The following PTH2R variants were observed in gnomAD, a reference collection of about 807,000 sequenced individuals.
The protein encoded by PTH2R is PTH2 receptor.
In PTH2R, 59 loss-of-function variants were observed where a neutral mutation model predicts 60.3. That is an observed-to-expected ratio of 0.98 (90% confidence interval 0.79 to 1.22). The LOEUF (loss-of-function observed/expected upper bound fraction) is 1.22, where lower values mean the gene tolerates loss of function less well. Ranked by LOEUF, PTH2R falls within the 50% of genes most tolerant of loss-of-function variation. The probability of loss-of-function intolerance (pLI) is 0.00; values close to 1 mark genes in which losing one functional copy is unlikely to be tolerated. For synonymous variants in PTH2R, 256 were observed against 243.8 expected (o/e 1.05, Z -0.47); for missense variants, 749 against 682.6 (o/e 1.10, Z -1.08).
chr2:208,391,682 C>T (rs957939765), intron 1 of PTH2R, among the ~76,000 whole-genome samples: 1 of 152,118 alleles, frequency 6.6e-6, no homozygotes, highest in Non-Finnish European at 1.5e-5. Context: ...TCCTGTAATG[C>T]CCCCAAATAC....
chr2:208,447,075 T>G (rs1702300865), intron 7 of PTH2R, among the ~76,000 whole-genome samples: 1 of 152,204 alleles, frequency 6.6e-6, no homozygotes, highest in African/African-American at 2.4e-5. Flanking sequence ...ATTGTAGTAA[T>G]GTGTGGAGTT....
chr2:208,493,191 C>G lies in PTH2R; in HGVS notation c.1258-73C>G, dbSNP rs1332558668. The G allele has an allele frequency of 2.9e-6, 4 of 1,370,942 alleles. No homozygotes were observed. In the Admixed American group the frequency reaches 1.1e-4, roughly 37 times the overall value. 84.9% of individuals were successfully genotyped at this position (1,370,942 alleles called of 1,614,324 possible). A position where few individuals can be genotyped will look rare whatever the true frequency, so the allele number is the denominator to read the frequency against. ...ATTATTGCTGTCATTGAAATCAAGGCAAACATCTTTGTAACAAGGCTGCAG... is the reference window on the plus strand; with the variant it reads ...ATTATTGCTGTCATTGAAATCAAGGGAAACATCTTTGTAACAAGGCTGCAG... On this transcript the variant is annotated intron_variant, in intron 12 of 12. Coordinates refer to ENST00000272847, the MANE Select transcript of PTH2R (RefSeq NM_005048.4).
intron 1 of PTH2R, among the ~76,000 whole-genome samples, chr2:208,363,155 G>GTT (rs552845278): frequency 6.6e-6 from 1 of 152,226 alleles, no homozygotes; most frequent in East Asian, 1.9e-4. Context: ...CTGATAGGTA[G>GTT]TTTTTTGACC....
At chr2:208,444,490 AG>A (rs1191806726) in intron 6 of PTH2R, among the ~76,000 whole-genome samples, 1 of 152,140 alleles carries the variant, frequency 6.6e-6, no homozygotes, top group East Asian at 1.9e-4. Context: ...AATTGAGAAA[AG>A]GTGATTTTTT....
upstream of PTH2R, among the ~76,000 whole-genome samples, chr2:208,402,639 C>T (rs1018709922): frequency 1.2e-4 from 19 of 152,170 alleles, no homozygotes; most frequent in Admixed American, 1.2e-3. Flanking sequence ...GGTGAAATTT[C>T]TCTTTCTTGT....
chr2:208,428,807 G>A (rs1382599465), intron 2 of PTH2R, among the ~76,000 whole-genome samples: 2 of 152,196 alleles, frequency 1.3e-5, no homozygotes, highest in East Asian at 1.9e-4. Flanking sequence ...TGGGACAGCC[G>A]GGCACGGTGG....
At position 208,377,538 on chromosome 2, in the gene PTH2R, GC is replaced by G. The variant is rs1247924199; in HGVS notation, c.-259+17302del. Among the ~76,000 whole-genome samples the G allele has an allele frequency of 2.7e-5, 4 of 147,420 alleles. No individual in the cohort carries two copies. In the East Asian group the frequency reaches 8.0e-4, roughly 30 times the overall value. ...CCTCCCAGACGGGGCGGCTGGCCGG[GC>G]GGGGGCTGACCCCCCACCTGCCTCT... On this transcript the variant is annotated intron_variant, in intron 1 of 12. Transcript: ENST00000617735.
At chr2:208,451,146 C>T (rs1250453819) in intron 8 of PTH2R, among the ~76,000 whole-genome samples, 2 of 152,098 alleles carry the variant, frequency 1.3e-5, no homozygotes, top group African/African-American at 4.8e-5. Flanking sequence ...ACTACACTAC[C>T]TGATTCCTAG....
At chr2:208,452,833 T>A (rs1057117478) in intron 8 of PTH2R, among the ~76,000 whole-genome samples, 1 of 152,232 alleles carries the variant, frequency 6.6e-6, no homozygotes, top group African/African-American at 2.4e-5. Flanking sequence ...GTCAGAGAAG[T>A]TGTGCTCAAG....
intron 10 of PTH2R, among the ~76,000 whole-genome samples, chr2:208,483,063 G>A (rs933096367): frequency 6.6e-6 from 1 of 152,060 alleles, no homozygotes; most frequent in African/African-American, 2.4e-5. Context: ...TTATTCCTTA[G>A]CAATAGTTTC....
chr2:208,395,160 GC>G (rs1325664860), intron 1 of PTH2R, among the ~76,000 whole-genome samples: 1 of 151,872 alleles, frequency 6.6e-6, no homozygotes, highest in African/African-American at 2.4e-5. Flanking sequence ...CCATTCTCCT[GC>G]CTCAGCCTCC....
chr2:208,413,354 G>A (rs1318776255), intron 1 of PTH2R, among the ~76,000 whole-genome samples: 2 of 152,146 alleles, frequency 1.3e-5, no homozygotes, highest in Non-Finnish European at 2.9e-5. Context: ...CTACATAGAA[G>A]TCATGATTAC....
intron 1 of PTH2R, among the ~76,000 whole-genome samples, chr2:208,420,643 A>G (rs1347957019): frequency 2.0e-5 from 3 of 152,250 alleles, no homozygotes; most frequent in Non-Finnish European, 4.4e-5. Flanking sequence ...TGAGAGAATT[A>G]TAGATTCACA....
chr2:208,444,613 G>A (rs1281599858), intron 6 of PTH2R, 121 bp from the exon 7 acceptor site: 2 of 886,652 alleles, frequency 2.3e-6, no homozygotes, highest in Non-Finnish European at 3.4e-6. Flanking sequence ...TGACTTTACT[G>A]TGTAAAGGAG....
At chr2:208,383,933 A>T (rs951223744) in intron 1 of PTH2R, among the ~76,000 whole-genome samples, 4 of 152,220 alleles carry the variant, frequency 2.6e-5, no homozygotes, top group Admixed American at 6.5e-5. Flanking sequence ...TGATGTAGAG[A>T]ACAGTCCGGG....
intron 1 of PTH2R, among the ~76,000 whole-genome samples, chr2:208,376,299 C>T (rs1156559505): frequency 6.6e-6 from 1 of 151,956 alleles, no homozygotes; most frequent in East Asian, 1.9e-4. Flanking sequence ...GGAAACGAAC[C>T]AGGGAAACTT....
At chr2:208,438,122 TTTA>T (rs1271846764) in intron 4 of PTH2R, among the ~76,000 whole-genome samples, 1 of 125,534 alleles carries the variant, frequency 8.0e-6, no homozygotes, top group Non-Finnish European at 1.7e-5. Context: ...GTGTGTTATG[TTTA>T]TTATGTTAGA....
intron 9 of PTH2R, among the ~76,000 whole-genome samples, chr2:208,478,149 T>C (rs1703061115): frequency 6.6e-6 from 1 of 152,194 alleles, no homozygotes; most frequent in Non-Finnish European, 1.5e-5. Flanking sequence ...TATTGATTTA[T>C]TCTATTGTTA....
rs1489685320 is a variant in PTH2R at position 208,433,803 on chromosome 2, A to AT, written c.179-3730dup. Among the ~76,000 whole-genome samples the AT allele has an allele frequency of 3.3e-5, 5 of 152,214 alleles. No homozygotes were observed. In the East Asian group the frequency reaches 7.7e-4, roughly 23 times the overall value. The stretch of plus-strand genomic sequence containing the variant: ...TTGAAAAGAGAAAAACGTTCTCCAA[A>AT]TTTTAGATTGTTCTGTGTAAATGTC... On this transcript the variant is annotated intron_variant, in intron 2 of 12. Coordinates refer to ENST00000272847, the MANE Select transcript of PTH2R (RefSeq NM_005048.4).
Sources: allele counts gnomAD v4.1 joint callset (sites outside exome capture counted in the v4.1 genomes callset), GRCh38; gene constraint gnomAD v4.1.1; transcripts MANE v1.5; gene names NCBI Gene and HGNC (gene_info 2026-07-23, HGNC 2026-07-21).